OTOGL: variants seen among roughly 807,000 people sequenced by gnomAD.
OTOGL encodes the protein otogelin-like protein.
OTOGL carries 285 observed loss-of-function variants against 318.5 expected under a neutral mutation model. The ratio of observed to expected loss-of-function variants is 0.89; its 90% CI spans 0.81 to 0.99. The LOEUF is 0.99. Among genes scored for constraint, OTOGL ranks in the 50% least tolerant of loss-of-function variants. The pLI, the probability that OTOGL is intolerant of heterozygous loss-of-function variation, is 0.00. For synonymous variants in OTOGL, 987 were observed against 936.5 expected (o/e 1.05, Z -0.99); for missense variants, 2,899 against 2,845.6 (o/e 1.02, Z -0.43).
At chr12:80,313,702 G>T in intron 31 of OTOGL, 70 bp downstream of exon 31, 2 of 1,323,704 alleles carry the variant, frequency 1.5e-6, no homozygotes, top group Non-Finnish European at 2.0e-6. Flanking sequence ...TGTTGATTTA[G>T]CTTAGAAATA....
intron 18 of OTOGL, 102 bp downstream of exon 18, chr12:80,258,104 A>G (rs781553377): frequency 2.2e-5 from 23 of 1,047,426 alleles, no homozygotes; most frequent in Non-Finnish European, 2.9e-5. Context: ...CTTAGCTGTC[A>G]TTATCCCAAG....
chr12:80,311,258 C>T (rs1184063251), intron 30 of OTOGL, among the ~76,000 whole-genome samples: 1 of 152,192 alleles, frequency 6.6e-6, no homozygotes, highest in Non-Finnish European at 1.5e-5. Flanking sequence ...AATATTTCTG[C>T]TGCATACAAA....
chr12:80,103,214 C>G, intron 1 of OTOGL: 1 of 1,435,758 alleles, frequency 7.0e-7, no homozygotes, highest in Non-Finnish European at 9.8e-7. Flanking sequence ...CGTTGTACTT[C>G]TGTCTCAGCT....
chr12:80,321,239 T>A (rs1173299656), intron 34 of OTOGL, among the ~76,000 whole-genome samples: 1 of 152,188 alleles, frequency 6.6e-6, no homozygotes, highest in Non-Finnish European at 1.5e-5. Context: ...TATTGAATTT[T>A]CTGCAGCAAG....
At chr12:80,346,433 T>C (rs942830568) in intron 44 of OTOGL, among the ~76,000 whole-genome samples, 9 of 152,148 alleles carry the variant, frequency 5.9e-5, no homozygotes, top group African/African-American at 2.2e-4. Context: ...TCAATAGATC[T>C]GTATGAAGGT....
intron 1 of OTOGL, among the ~76,000 whole-genome samples, chr12:80,154,170 A>C (rs528118831): frequency 5.1e-4 from 78 of 152,102 alleles, no homozygotes; most frequent in Non-Finnish European, 1.0e-3. Flanking sequence ...TTAGCCAGGC[A>C]TGGTGGCTCA....
intron 1 of OTOGL, among the ~76,000 whole-genome samples, chr12:80,147,365 T>C (rs1450478828): frequency 1.4e-5 from 2 of 147,390 alleles, no homozygotes; most frequent in African/African-American, 2.6e-5. Flanking sequence ...TTGAGCGGTT[T>C]TGAGTGAGAC....
chr12:80,292,664 G>C (rs527638636), intron 26 of OTOGL, among the ~76,000 whole-genome samples: 7 of 152,236 alleles, frequency 4.6e-5, no homozygotes, highest in African/African-American at 1.4e-4. Context: ...GACTAGCCAC[G>C]GTTAAAGACA....
At chr12:80,332,314 T>C (rs1392802950) in intron 37 of OTOGL, among the ~76,000 whole-genome samples, 1 of 152,200 alleles carries the variant, frequency 6.6e-6, no homozygotes, top group Non-Finnish European at 1.5e-5. Context: ...AGGAAACTAA[T>C]GAGGTTATTT....
At chr12:80,265,257 A>C in intron 20 of OTOGL, 47 bp downstream of exon 20, 3 of 1,520,418 alleles carry the variant, frequency 2.0e-6, no homozygotes, top group Non-Finnish European at 2.7e-6. Context: ...TACCTTAGAG[A>C]CCTCTATGTT....
At chr12:80,347,027 A>G (rs1889240495) in intron 44 of OTOGL, among the ~76,000 whole-genome samples, 1 of 152,184 alleles carries the variant, frequency 6.6e-6, no homozygotes, top group Non-Finnish European at 1.5e-5. Context: ...TCCCACCACC[A>G]TTTGAATCCA....
rs1042089366 is a variant in OTOGL at position 80,379,132 on chromosome 12, C to T, written c.*1084C>T. The T allele has an allele frequency of 1.3e-5, 2 of 152,320 alleles. No homozygotes were observed. The highest frequency in any genetic ancestry group is 2.9e-5 in the Non-Finnish European group (2 of 67,882). The allele number at this position is 152,320 out of a possible 1,614,324, so 9.4% of individuals were successfully genotyped here. On this transcript the variant is annotated 3_prime_UTR_variant, in exon 59 of 59. Coordinates refer to ENST00000547103, the MANE Select transcript of OTOGL (RefSeq NM_001378609.3). ...CTTTTAAAATATGGTAGATTATTGA[C>T]ATTTGCAAGAAGAATGTATTGAGGT...
At position 80,138,096 on chromosome 12, in the gene OTOGL, T is replaced by A. The variant is rs532502820; in HGVS notation, c.-20+38491T>A. Among the ~76,000 whole-genome samples, 455 of 152,310 alleles carry A rather than the reference T, an allele frequency of 3.0e-3. 3 individuals are homozygous for A. Among genetic ancestry groups the A allele is most frequent in the African/African-American group, 0.01 (430 of 41,594 alleles). ...TATAATTAAGTTAGATGTCTTTTTT[T>A]AGACAATCACACATGCAATTATACA... On this transcript the variant is annotated intron_variant, in intron 1 of 58. Coordinates refer to ENST00000547103, the MANE Select transcript of OTOGL (RefSeq NM_001378609.3).
chr12:80,108,902 A>ATATG (rs1414661990), intron 1 of OTOGL, among the ~76,000 whole-genome samples: 2 of 129,606 alleles, frequency 1.5e-5, no homozygotes, highest in Admixed American at 8.1e-5. Flanking sequence ...GTGTATATAT[A>ATATG]TGTGTATATA....
intron 1 of OTOGL, among the ~76,000 whole-genome samples, chr12:80,153,874 T>C (rs770779699): frequency 1.3e-5 from 2 of 152,262 alleles, no homozygotes; most frequent in African/African-American, 2.4e-5. Flanking sequence ...CCATATCTTT[T>C]CATGTCTTGA....
chr12:80,261,798 A>G (rs749433292), intron 18 of OTOGL, among the ~76,000 whole-genome samples, 171 bp from the exon 19 acceptor site: 18 of 152,022 alleles, frequency 1.2e-4, no homozygotes, highest in Non-Finnish European at 2.2e-4. Context: ...GCAAAATGTC[A>G]GTAATATGGA....
At chr12:80,357,343 G>A (rs557001732) in intron 49 of OTOGL, among the ~76,000 whole-genome samples, 3 of 152,100 alleles carry the variant, frequency 2.0e-5, no homozygotes, top group Admixed American at 2.0e-4. Context: ...AAGAGTGACT[G>A]GAAAATGACT....
At chr12:80,325,516 G>C (rs939382314) in intron 35 of OTOGL, among the ~76,000 whole-genome samples, 3 of 152,208 alleles carry the variant, frequency 2.0e-5, no homozygotes, top group Non-Finnish European at 4.4e-5. Flanking sequence ...TGGTCACACA[G>C]TTTGTAAGCA....
intron 1 of OTOGL, among the ~76,000 whole-genome samples, chr12:80,187,223 C>T (rs1455509874): frequency 2.0e-5 from 3 of 151,754 alleles, no homozygotes; most frequent in African/African-American, 4.8e-5. Flanking sequence ...AGAACAGCTT[C>T]CTGATTTAGG....
Sources: gnomAD v4.1 joint callset for allele counts (sites outside exome capture counted in the v4.1 genomes callset) on GRCh38, gnomAD v4.1.1 for gene constraint, MANE v1.5 for transcripts, NCBI Gene and HGNC (gene_info 2026-07-23, HGNC 2026-07-21) for gene names.